Variants in DTD1 observed in about 807,000 individuals in gnomAD.
The protein encoded by DTD1 is D-aminoacyl-tRNA deacylase 1.
DTD1 carries 13 observed loss-of-function variants against 25.6 expected under a neutral mutation model. That is an observed-to-expected ratio of 0.51 (90% CI 0.33 to 0.81). The LOEUF is 0.81. DTD1 is among the 30% of genes least tolerant of loss of function. The pLI, the probability that DTD1 is intolerant of heterozygous loss-of-function variation, is 0.02. For synonymous variants in DTD1, 110 were observed against 103.6 expected, an observed-to-expected ratio of 1.06 and a Z score of -0.37; for missense variants, 193 against 266.4, an observed-to-expected ratio of 0.72 and a Z score of 1.92.
chr20:18,599,286 T>C (rs1372304728), intron 3 of DTD1, among the ~76,000 whole-genome samples: 1 of 152,144 alleles, frequency 6.6e-6, no homozygotes, highest in Non-Finnish European at 1.5e-5. Context: ...GCGATTCTCC[T>C]GCCTCAGCCT....
Position 18,649,326 on chromosome 20 carries a change from CTTTTTTTT to C in DTD1, c.477+21116_477+21123del, listed in dbSNP as rs55766733. 6.2e-3 allele frequency among the ~76,000 whole-genome samples: 356 copies of C among 57,666 alleles called. 4 individuals are homozygous for C. The highest frequency in any genetic ancestry group is 0.023 in the African/African-American group (331 of 14,464). The allele number at this position is 57,666 out of a possible 152,430, so 37.8% of individuals were successfully genotyped here. A position where few individuals can be genotyped will look rare whatever the true frequency, so the allele number is the denominator to read the frequency against. ...TGGGCTTTCTCAGCCATTCATCTTTCTTTTTTTTTTTTTTTTTTTTTTTTTTTTTTGAG... is the reference window on the plus strand; with the variant it reads ...TGGGCTTTCTCAGCCATTCATCTTTCTTTTTTTTTTTTTTTTTTTTTTGAG... On this transcript the variant is annotated intron_variant, in intron 4 of 5. Coordinates refer to ENST00000377452, the MANE Select transcript of DTD1 (RefSeq NM_080820.6).
intron 4 of DTD1, chr20:18,631,914 G>GT: frequency 1.0e-6 from 1 of 983,498 alleles, no homozygotes; most frequent in African/African-American, 1.7e-5. Flanking sequence ...CCCTCTTCTT[G>GT]TTTAGGTCAA....
chr20:18,700,247 G>T (rs1365460030), intron 4 of DTD1, among the ~76,000 whole-genome samples: 1 of 152,158 alleles, frequency 6.6e-6, no homozygotes, highest in Non-Finnish European at 1.5e-5. Context: ...TATCAGTCAG[G>T]TTTCTCTGCT....
chr20:18,656,168 G>A (rs1237547166), intron 4 of DTD1, among the ~76,000 whole-genome samples: 2 of 152,122 alleles, frequency 1.3e-5, no homozygotes, highest in African/African-American at 4.8e-5. Context: ...GAAAATGGAG[G>A]AAACATCTAG....
In DTD1 at chr20:18,752,678, C is replaced by T. The variant is rs144223897; in HGVS notation, c.*19+8407C>T. Among the ~76,000 whole-genome samples the T allele has an allele frequency of 5.2e-3, 794 of 152,206 alleles. 8 individuals are homozygous for T. Among genetic ancestry groups the T allele is most frequent in the African/African-American group, 0.019 (770 of 41,516 alleles). On this transcript the variant is annotated intron_variant, in intron 5 of 5. Coordinates refer to ENST00000377452, the MANE Select transcript of DTD1 (RefSeq NM_080820.6). ...TAATTCCAACATCTGTATCATAGTCCCAGTCTGATTCTGGGGATCTTTTTG... is the reference window on the plus strand; with the variant it reads ...TAATTCCAACATCTGTATCATAGTCTCAGTCTGATTCTGGGGATCTTTTTG...
intron 4 of DTD1, chr20:18,632,310 A>G (rs2060791659): frequency 3.0e-6 from 3 of 985,456 alleles, no homozygotes; most frequent in South Asian, 4.7e-5. Flanking sequence ...CATCAACTTC[A>G]TTTACATGGA....
At chr20:18,621,814 C>CA (rs2060735346) in intron 3 of DTD1, among the ~76,000 whole-genome samples, 1 of 152,068 alleles carries the variant, frequency 6.6e-6, no homozygotes, top group Non-Finnish European at 1.5e-5. Context: ...CCTGTAATCC[C>CA]AGCACTTTGG....
intron 4 of DTD1, among the ~76,000 whole-genome samples, chr20:18,714,705 G>A (rs2061173280): frequency 6.6e-6 from 1 of 152,080 alleles, no homozygotes; most frequent in Non-Finnish European, 1.5e-5. Context: ...CTCTTCTCTT[G>A]GTGTCTTTCT....
rs114450921 is a variant in DTD1, at chr20:18,629,472, T to C, written c.477+1239T>C. Among the ~76,000 whole-genome samples, 167 of 151,762 alleles carry C rather than the reference T, an allele frequency of 1.1e-3. 1 individual carries two copies. The highest frequency in any genetic ancestry group is 3.9e-3 in the African/African-American group (163 of 41,378). Reference sequence around the variant, plus strand: ...TACGCTACCATGCTGGGCTAATTTTTGAATTTGTGTAGAGAGGGAGTTTTA... The same window carrying C: ...TACGCTACCATGCTGGGCTAATTTTCGAATTTGTGTAGAGAGGGAGTTTTA... On this transcript the variant is annotated intron_variant, in intron 4 of 5. Transcript: ENST00000377452.
At chr20:18,590,470 A>G (rs2060584988) in intron 1 of DTD1, among the ~76,000 whole-genome samples, 1 of 151,748 alleles carries the variant, frequency 6.6e-6, no homozygotes, top group African/African-American at 2.4e-5. Flanking sequence ...CCAATTGGCT[A>G]ATTGGTTTTG....
At chr20:18,622,050 CG>C (rs1205001375) in intron 3 of DTD1, among the ~76,000 whole-genome samples, 2 of 142,480 alleles carry the variant, frequency 1.4e-5, no homozygotes, top group East Asian at 4.2e-4. Flanking sequence ...TGTGACAGAG[CG>C]AGACTCTGTC....
intron 4 of DTD1, among the ~76,000 whole-genome samples, chr20:18,692,839 G>T (rs2061052576): frequency 6.6e-6 from 1 of 151,284 alleles, no homozygotes; most frequent in South Asian, 2.1e-4. Context: ...CTTTTATTTT[G>T]CTATATGCTA....
intron 4 of DTD1, chr20:18,632,051 A>G (rs2060790365): frequency 1.2e-6 from 1 of 855,034 alleles, no homozygotes. Flanking sequence ...AGAATAAAGG[A>G]CGGTAACTGT....
At chr20:18,699,526 C>T (rs540919516) in intron 4 of DTD1, among the ~76,000 whole-genome samples, 1 of 152,288 alleles carries the variant, frequency 6.6e-6, no homozygotes, top group Admixed American at 6.5e-5. Context: ...TGTCAGATCT[C>T]CCGCGTTGAG....
intron 4 of DTD1, among the ~76,000 whole-genome samples, chr20:18,688,648 C>CG (rs1350218388): frequency 6.6e-6 from 1 of 152,070 alleles, no homozygotes; most frequent in East Asian, 1.9e-4. Context: ...TTGCCGGGAA[C>CG]GACCCATCTT....
rs553758338 is a variant in DTD1 at position 18,710,395 on chromosome 20, A to G, written c.478-33705A>G. ...TTCTGATCTTTTTTTTTTAATTGAC[A>G]GTGTTTGAAGGTAAATAGTGACCAT... On this transcript the variant is annotated intron_variant, in intron 4 of 5. Coordinates refer to ENST00000377452, the MANE Select transcript of DTD1 (RefSeq NM_080820.6). 6.6e-5 allele frequency among the ~76,000 whole-genome samples: 10 copies of G among 151,878 alleles called. No homozygotes were observed. The East Asian group carries it at 1.9e-3, about 29-fold the overall frequency.
chr20:18,673,013 GGCTGGGTACATAACAAGC>G (rs1178357819), intron 4 of DTD1, among the ~76,000 whole-genome samples: 5 of 152,156 alleles, frequency 3.3e-5, no homozygotes, highest in Non-Finnish European at 7.3e-5. Flanking sequence ...GCACGGTGGT[GGCTGGGTACATAACAAGC>G]GCTCAGTAAC....
At chr20:18,703,309 C>T (rs1262897983) in intron 4 of DTD1, among the ~76,000 whole-genome samples, 1 of 152,040 alleles carries the variant, frequency 6.6e-6, no homozygotes, top group Non-Finnish European at 1.5e-5. Flanking sequence ...CCTTCTGGGT[C>T]GTGTGGAGAC....
chr20:18,759,675 CTTCAT>C (rs1392178043), intron 5 of DTD1, among the ~76,000 whole-genome samples: 1 of 152,160 alleles, frequency 6.6e-6, no homozygotes, highest in African/African-American at 2.4e-5. Context: ...ACATTTTTTC[CTTCAT>C]TTCAACTTTG....
Sources: allele counts gnomAD v4.1 joint callset (sites outside exome capture counted in the v4.1 genomes callset), GRCh38; gene constraint gnomAD v4.1.1; transcripts MANE v1.5; gene names NCBI Gene and HGNC (gene_info 2026-07-23, HGNC 2026-07-21).